UBE3B: variants seen among roughly 807,000 people sequenced by gnomAD.
UBE3B encodes ubiquitin protein ligase E3B.
In UBE3B, 80 loss-of-function variants were observed where a neutral mutation model predicts 132.3. The observed-to-expected ratio is 0.60, with a 90% confidence interval of 0.50 to 0.73. UBE3B has a LOEUF of 0.73. UBE3B is among the 30% of genes least tolerant of loss of function. The pLI, the probability that UBE3B is intolerant of heterozygous loss-of-function variation, is 0.00. For synonymous variants in UBE3B, 487 were observed against 520.4 expected, an observed-to-expected ratio of 0.94 and a Z score of 0.87; for missense variants, 1,196 against 1,362.5, an observed-to-expected ratio of 0.88 and a Z score of 1.92.
At chr12:109,543,451 A>G in the UBE3B span, among the ~76,000 whole-genome samples, 1 of 152,172 alleles carries the variant, frequency 6.6e-6, no homozygotes, top group African/African-American at 2.4e-5. Flanking sequence ...GAGAGTGTCT[A>G]GAGTGAAGGA....
chr12:109,500,968 G>A (rs531409954), intron 12 of UBE3B, among the ~76,000 whole-genome samples: 58 of 152,302 alleles, frequency 3.8e-4, no homozygotes, highest in Middle Eastern at 3.4e-3. Context: ...GTGGAGTCAG[G>A]CAAGGAACCC....
chr12:109,485,633 G>C (rs796645044), intron 4 of UBE3B, among the ~76,000 whole-genome samples: 3 of 152,232 alleles, frequency 2.0e-5, no homozygotes, highest in African/African-American at 7.2e-5. Flanking sequence ...GCAAAAGTCA[G>C]TATCCATGGT....
chr12:109,527,220 A>T (rs1882444344), intron 24 of UBE3B, among the ~76,000 whole-genome samples: 1 of 152,210 alleles, frequency 6.6e-6, no homozygotes, highest in Admixed American at 6.5e-5. Context: ...ATTGTCACAG[A>T]TAAAGGGCTC....
At chr12:109,544,727 G>T in the UBE3B span, among the ~76,000 whole-genome samples, 1 of 152,180 alleles carries the variant, frequency 6.6e-6, no homozygotes, top group African/African-American at 2.4e-5. Context: ...TTACTCAGCT[G>T]TGGGAGCTCC....
rs1878992317 is a variant in UBE3B, at chr12:109,501,532, A to G, written c.1280A>G (p.Lys427Arg). Reference protein sequence around the residue: ...PASPQNVLPVKSLLKRAFQKS... With the variant: ...PASPQNVLPVRSLLKRAFQKS... ...TCCCCTCAGAATGTGCTCCCAGTGA[A>G]GAGTGAGTGACGGGAGCAGGCCCAA... Residue 427 changes from lysine to arginine, a missense_variant and splice_region_variant, in exon 13 of 28, where the codon AAG (lysine) becomes AGG (arginine). Coordinates refer to ENST00000342494, the MANE Select transcript of UBE3B (RefSeq NM_130466.4). 1 of 1,613,180 alleles carries G rather than the reference A, an allele frequency of 6.2e-7. No individual in the cohort carries two copies. The highest frequency in any genetic ancestry group is 8.5e-7 in the Non-Finnish European group (1 of 1,179,638).
At chr12:109,484,869 G>A (rs1486516058) in intron 4 of UBE3B, among the ~76,000 whole-genome samples, 1 of 152,042 alleles carries the variant, frequency 6.6e-6, no homozygotes, top group Admixed American at 6.6e-5. Flanking sequence ...CGATTCTTCT[G>A]CCTCAGCCTC....
intron 26 of UBE3B, among the ~76,000 whole-genome samples, chr12:109,531,937 C>A (rs887954256): frequency 6.6e-6 from 1 of 152,110 alleles, no homozygotes; most frequent in Non-Finnish European, 1.5e-5. Flanking sequence ...CAGTTCCTTA[C>A]CATGTGCCTG....
At chr12:109,511,543 A>G (rs528922508) in intron 18 of UBE3B, among the ~76,000 whole-genome samples, 4 of 152,324 alleles carry the variant, frequency 2.6e-5, no homozygotes, top group Admixed American at 2.0e-4. Flanking sequence ...AGACCTGACC[A>G]GCTGGAGGGA....
chr12:109,534,431 T>C lies in UBE3B; in HGVS notation c.3016-160T>C. On this transcript the variant is annotated intron_variant, in intron 27 of 27. Coordinates refer to ENST00000342494, the MANE Select transcript of UBE3B (RefSeq NM_130466.4). This position sits in a 1 kb window ranked among gnomAD's most constrained non-coding sequence, Gnocchi z 5.2. ...CTCTGGAAGCCAGTCGTCTTGTGTC[T>C]GGGGCTTGACCTCGGGTAGTGGTGC... 1 of 1,424,222 alleles carries C rather than the reference T, an allele frequency of 7.0e-7. No homozygotes were observed. Among genetic ancestry groups the C allele is most frequent in the Non-Finnish European group, 9.2e-7 (1 of 1,092,262 alleles). 88.2% of individuals were successfully genotyped at this position (1,424,222 alleles called of 1,614,324 possible). A position where few individuals can be genotyped will look rare whatever the true frequency, so the allele number is the denominator to read the frequency against.
At chr12:109,507,162 T>C (rs184959734) in intron 14 of UBE3B, among the ~76,000 whole-genome samples, 1 of 152,374 alleles carries the variant, frequency 6.6e-6, no homozygotes, top group East Asian at 1.9e-4. Flanking sequence ...AACAAATTGC[T>C]GATCCCTGAT....
intron 8 of UBE3B, chr12:109,490,814 T>C (rs916793381): frequency 3.9e-6 from 5 of 1,293,678 alleles, no homozygotes; most frequent in South Asian, 3.7e-5. Context: ...TTTTTGTTTT[T>C]TTGTTTTTTT....
intron 18 of UBE3B, among the ~76,000 whole-genome samples, chr12:109,512,540 G>A (rs1408926344): frequency 1.3e-5 from 2 of 152,172 alleles, no homozygotes; most frequent in Non-Finnish European, 2.9e-5. Context: ...TCTTCTAGGA[G>A]TCTAGGTTGT....
At chr12:109,497,385 A>C (rs907992070) in intron 9 of UBE3B, among the ~76,000 whole-genome samples, 4 of 152,126 alleles carry the variant, frequency 2.6e-5, no homozygotes, top group Non-Finnish European at 4.4e-5. Flanking sequence ...TAAACTGCTT[A>C]ACTGAATTAT....
Position 109,521,284 on chromosome 12 carries a change from T to C in UBE3B, c.2213T>C (p.Ile738Thr). The change falls in exon 20 of 28, where the codon ATC becomes ACC. Residue 738 changes from isoleucine to threonine, a missense_variant. Ile to Thr is a moderately conservative substitution (Grantham distance 89). Coordinates refer to ENST00000342494, the MANE Select transcript of UBE3B (RefSeq NM_130466.4). The surrounding 1 kb of genome is among the most constrained non-coding windows in gnomAD (Gnocchi z 4.2). ...GTTTTTAAGGAGTTCTTGGAAGAGA[T>C]CATCAAGAGAGTTTTTGACCCAGCA... ...DGVFKEFLEE[I>T]IKRVFDPALN... The C allele has an allele frequency of 6.2e-7, 1 of 1,614,144 alleles. No homozygotes were observed. Among genetic ancestry groups the C allele is most frequent in the Non-Finnish European group, 8.5e-7 (1 of 1,180,030 alleles).
chr12:109,496,832 G>A (rs1294425965), intron 9 of UBE3B, among the ~76,000 whole-genome samples: 2 of 152,146 alleles, frequency 1.3e-5, no homozygotes, highest in Non-Finnish European at 2.9e-5. Context: ...TCCATGGGTT[G>A]TCTTTTCACT....
chr12:109,512,997 T>C (rs1880563403), intron 18 of UBE3B, among the ~76,000 whole-genome samples: 2 of 152,258 alleles, frequency 1.3e-5, no homozygotes, highest in African/African-American at 4.8e-5. Flanking sequence ...TACCCTTTGG[T>C]CCTTGAACAA....
chr12:109,508,657 G>A (rs1054776914), intron 15 of UBE3B: 19 of 985,652 alleles, frequency 1.9e-5, no homozygotes, highest in Non-Finnish European at 2.3e-5. Context: ...AACTCACTGA[G>A]CAGTTGGAGG....
chr12:109,502,995 C>T (rs1879183927), intron 13 of UBE3B, 28 bp from the exon 14 acceptor site: 1 of 1,613,816 alleles, frequency 6.2e-7, no homozygotes, highest in Admixed American at 1.7e-5. Context: ...TGAGCTGCTG[C>T]TCACATGTCT....
At chr12:109,545,606 A>G in the UBE3B span, among the ~76,000 whole-genome samples, 1 of 152,042 alleles carries the variant, frequency 6.6e-6, no homozygotes, top group African/African-American at 2.4e-5. Flanking sequence ...GGTCTGCCAC[A>G]CTCCAGAGCC....
Sources: gnomAD v4.1 joint callset for allele counts (sites outside exome capture counted in the v4.1 genomes callset) on GRCh38, gnomAD v4.1.1 for gene constraint, Gnocchi (gnomAD v3.1) non-coding constraint, MANE v1.5 for transcripts, NCBI Gene and HGNC (gene_info 2026-07-23, HGNC 2026-07-21) for gene names.